Variants in CLCN4 observed in about 807,000 individuals in gnomAD.
CLCN4 encodes the protein Cl-/H+ antiporter 4.
Under a neutral mutation model 41.7 loss-of-function variants are expected in CLCN4, and 1 was observed. The observed-to-expected ratio is 0.02, with a 90% CI of 0.01 to 0.11. The LOEUF is 0.11. CLCN4 is among the 10% of genes least tolerant of loss of function. The pLI is 1.00. For synonymous variants in CLCN4, 277 were observed against 285.8 expected, an observed-to-expected ratio of 0.97 and a Z score of 0.31; for missense variants, 287 against 661.0, an observed-to-expected ratio of 0.43 and a Z score of 6.20.
intron 11 of CLCN4, among the ~76,000 whole-genome samples, chrX:10,215,128 A>G (rs1422646834): frequency 8.9e-6 from 1 of 111,772 alleles, no homozygotes; most frequent in African/African-American, 3.3e-5. Context: ...TTTACTATAT[A>G]TCTTCTAGAG....
At chrX:10,196,129 C>T (rs1014435801) in intron 5 of CLCN4, among the ~76,000 whole-genome samples, 4 of 112,094 alleles carry the variant, frequency 3.6e-5, no homozygotes, top group African/African-American at 9.7e-5. Context: ...ACCTTCCTGT[C>T]AGCACTTGTT....
chrX:10,197,306 G>A (rs1924120102), intron 5 of CLCN4, among the ~76,000 whole-genome samples: 2 of 112,020 alleles, frequency 1.8e-5, no homozygotes, highest in African/African-American at 6.5e-5. Context: ...ATGTTAGTGC[G>A]CATAGAACCT....
intron 5 of CLCN4, among the ~76,000 whole-genome samples, chrX:10,196,235 A>G (rs1924091343): frequency 8.9e-6 from 1 of 112,642 alleles, no homozygotes; most frequent in Admixed American, 9.4e-5. Context: ...ACCACATTAT[A>G]GAGGATGTTC....
At chrX:10,161,124 G>GCT (rs34687262) in intron 2 of CLCN4, among the ~76,000 whole-genome samples, 5,267 of 86,271 alleles carry the variant, frequency 0.061, 208 homozygotes, top group African/African-American at 0.086. Flanking sequence ...CCATCAGCTT[G>GCT]CTCTCTCTCT....
chrX:10,210,368 A>AAC (rs766911541), intron 9 of CLCN4, among the ~76,000 whole-genome samples: 3 of 111,228 alleles, frequency 2.7e-5, no homozygotes, highest in African/African-American at 6.5e-5. Flanking sequence ...AGTTTCATAA[A>AAC]ACACACACAC....
chrX:10,159,170 A>C (rs1923032503), intron 2 of CLCN4, among the ~76,000 whole-genome samples: 1 of 112,362 alleles, frequency 8.9e-6, no homozygotes, highest in African/African-American at 3.2e-5. Context: ...GTAGATTAAA[A>C]AAGAACGGTA....
chrX:10,190,412 G>C (rs1224869738), intron 4 of CLCN4, among the ~76,000 whole-genome samples: 1 of 111,420 alleles, frequency 9.0e-6, no homozygotes, highest in East Asian at 2.8e-4. Flanking sequence ...GTTTTAAAAA[G>C]TTAAAAAATC....
At chrX:10,178,205 A>G (rs1366833155) in intron 2 of CLCN4, among the ~76,000 whole-genome samples, 1 of 111,593 alleles carries the variant, frequency 9.0e-6, no homozygotes, top group East Asian at 2.8e-4. Context: ...CTGGAATTGG[A>G]TAGTGGTGAT....
At chrX:10,225,545 C>T (rs1924967517) in intron 12 of CLCN4, among the ~76,000 whole-genome samples, 1 of 111,958 alleles carries the variant, frequency 8.9e-6, no homozygotes, top group Non-Finnish European at 1.9e-5. Context: ...TGTAGGTTGT[C>T]CGTTCACTCT....
chrX:10,162,746 T>C (rs962922084), intron 2 of CLCN4, among the ~76,000 whole-genome samples: 2 of 112,522 alleles, frequency 1.8e-5, no homozygotes, highest in Non-Finnish European at 3.8e-5. Flanking sequence ...CAAATAACAA[T>C]GTCAGAATAT....
intron 2 of CLCN4, among the ~76,000 whole-genome samples, chrX:10,178,077 C>T (rs888747116): frequency 9.1e-6 from 1 of 110,371 alleles, no homozygotes; most frequent in South Asian, 3.9e-4. Flanking sequence ...TCCACTTATA[C>T]GAAATGTCCA....
chrX:10,219,437 T>A (rs1924804917), intron 11 of CLCN4, among the ~76,000 whole-genome samples: 1 of 112,303 alleles, frequency 8.9e-6, no homozygotes, highest in Non-Finnish European at 1.9e-5. Flanking sequence ...CAGTCTACAT[T>A]TGAAAACGCG....
At chrX:10,212,838 CAG>C (rs1491132832) in intron 10 of CLCN4, among the ~76,000 whole-genome samples, 185 bp downstream of exon 10, 2 of 27,979 alleles carry the variant, frequency 7.1e-5, no homozygotes, top group Non-Finnish European at 1.2e-4. Flanking sequence ...GCTCACTATG[CAG>C]ACACACACAC....
chrX:10,235,083 G>A lies in CLCN4; in HGVS notation c.*1499G>A, dbSNP rs528866564. On this transcript the variant is annotated 3_prime_UTR_variant, in exon 13 of 13. Transcript: ENST00000380833. ...GGGCTGGATAAGAACCCTGAGAGGG[G>A]GTACTCCAGGACTGTCTCCATAACA... 5.4e-5 allele frequency: 6 copies of A among 112,051 alleles called. No individual in the cohort carries two copies. Among genetic ancestry groups the A allele is most frequent in the African/African-American group, 1.9e-4 (6 of 30,848 alleles). The allele number at this position is 112,051 out of a possible 1,213,427, so 9.2% of individuals were successfully genotyped here. A position where few individuals can be genotyped will look rare whatever the true frequency, so the allele number is the denominator to read the frequency against.
At chrX:10,157,677 A>G (rs1323675133) in intron 1 of CLCN4, among the ~76,000 whole-genome samples, 2 of 112,863 alleles carry the variant, frequency 1.8e-5, no homozygotes, top group East Asian at 2.7e-4. Context: ...GACATTGTAC[A>G]TATTTTCTGT....
rs1923845523 is a variant in CLCN4, at chrX:10,187,551, A to C, written c.181A>C (p.Ile61Leu). The C allele has an allele frequency of 8.3e-7, 1 of 1,211,533 alleles. No homozygotes were observed. The highest frequency in any genetic ancestry group is 1.1e-6 in the Non-Finnish European group (1 of 895,170). Residue 61 changes from isoleucine to leucine, a missense_variant, in exon 4 of 13, where the codon ATC (isoleucine) becomes CTC (leucine). Ile to Leu is a conservative substitution (Grantham distance 5). This residue lies in a region of CLCN4 where 90 missense variants were observed against 209.8 expected (regional missense o/e 0.43). Coordinates refer to ENST00000380833, the MANE Select transcript of CLCN4 (RefSeq NM_001830.4). The stretch of plus-strand genomic sequence containing the variant: ...GAGCAAGGAGTCCATATGGGAGTTC[A>C]TCAAGAGCCTGCTGGATGCCTGGTC... The part of the protein sequence containing the change: ...SKSKESIWEF[I>L]KSLLDAWSGW...
chrX:10,191,145 G>T (rs1048301524), intron 4 of CLCN4, among the ~76,000 whole-genome samples: 1 of 111,145 alleles, frequency 9.0e-6, no homozygotes, highest in Non-Finnish European at 1.9e-5. Context: ...ATTTTATCAT[G>T]CCCAAAAGAA....
At chrX:10,161,729 G>A (rs1245615413) in intron 2 of CLCN4, among the ~76,000 whole-genome samples, 2 of 111,698 alleles carry the variant, frequency 1.8e-5, no homozygotes, top group Non-Finnish European at 3.8e-5. Flanking sequence ...CTCCCCTGGG[G>A]TTTGGTCTGG....
At position 10,236,762 on chromosome X, in the gene CLCN4, A is replaced by T. The variant is rs1259782053; in HGVS notation, c.*3178A>T. On this transcript the variant is annotated 3_prime_UTR_variant, in exon 13 of 13. Transcript: ENST00000380833. ...CCTCTTCCAGAACCAAAGGCTTTAGACATTTGTAGAACTTTCTGGATTCCT... is the reference window on the plus strand; with the variant it reads ...CCTCTTCCAGAACCAAAGGCTTTAGTCATTTGTAGAACTTTCTGGATTCCT... The T allele has an allele frequency of 9.1e-6, 1 of 110,381 alleles. No individual in the cohort carries two copies. Among genetic ancestry groups the T allele is most frequent in the Admixed American group, 9.7e-5 (1 of 10,357 alleles). The allele number at this position is 110,381 out of a possible 1,213,427, so 9.1% of individuals were successfully genotyped here.
Sources: gnomAD v4.1 joint callset for allele counts (sites outside exome capture counted in the v4.1 genomes callset) on GRCh38, gnomAD v4.1.1 for gene constraint, gnomAD v4.1.1 regional missense constraint, MANE v1.5 for transcripts, NCBI Gene and HGNC (gene_info 2026-07-23, HGNC 2026-07-21) for gene names.